The following WWOX variants were observed in gnomAD, a reference collection of about 807,000 sequenced individuals.
WWOX encodes the protein WW domain-containing oxidoreductase.
Under a neutral mutation model 46.2 loss-of-function variants are expected in WWOX, and 69 were observed. The ratio of observed to expected loss-of-function variants is 1.49; its 90% CI spans 1.23 to 1.82. The LOEUF (loss-of-function observed/expected upper bound fraction) is 1.82. Among genes scored for constraint, WWOX ranks in the 40% most tolerant of loss-of-function variants. The pLI is 0.00. For missense variants in WWOX, 919 were observed against 542.6 expected, an observed-to-expected ratio of 1.69 and a Z score of -6.89; for synonymous variants, 359 against 202.6, an observed-to-expected ratio of 1.77 and a Z score of -6.56.
chr16:78,599,965 C>T (rs925267535), intron 8 of WWOX, among the ~76,000 whole-genome samples: 2 of 152,032 alleles, frequency 1.3e-5, no homozygotes, highest in Admixed American at 6.6e-5. Context: ...CCTGAGGCTG[C>T]ATAATTTATG....
intron 8 of WWOX, among the ~76,000 whole-genome samples, chr16:78,937,306 A>C (rs1009907662): frequency 6.6e-6 from 1 of 152,232 alleles, no homozygotes; most frequent in South Asian, 2.1e-4. Context: ...ATACACCTGC[A>C]TCTTTAATTA....
chr16:78,571,407 A>G (rs1173009374), intron 8 of WWOX, among the ~76,000 whole-genome samples: 1 of 152,224 alleles, frequency 6.6e-6, no homozygotes, highest in Non-Finnish European at 1.5e-5. Context: ...TAACAGACAC[A>G]CATTCATTTG....
At chr16:78,766,083 G>T (rs974969890) in intron 8 of WWOX, among the ~76,000 whole-genome samples, 2 of 152,218 alleles carry the variant, frequency 1.3e-5, no homozygotes, top group African/African-American at 2.4e-5. Context: ...GTGGGACGGG[G>T]TGAATGATTT....
At chr16:78,692,583 T>C (rs2048014333) in intron 8 of WWOX, among the ~76,000 whole-genome samples, 1 of 152,238 alleles carries the variant, frequency 6.6e-6, no homozygotes, top group African/African-American at 2.4e-5. Context: ...CCTCTCTGAC[T>C]GTAAGGGCCA....
At chr16:78,727,959 G>C (rs1238614922) in intron 8 of WWOX, among the ~76,000 whole-genome samples, 3 of 148,598 alleles carry the variant, frequency 2.0e-5, no homozygotes, top group Non-Finnish European at 3.0e-5. Context: ...AATTAAAATA[G>C]AAATAGTCAA....
chr16:78,386,614 G>A (rs534011460), intron 5 of WWOX, among the ~76,000 whole-genome samples: 65 of 151,060 alleles, frequency 4.3e-4, no homozygotes, highest in African/African-American at 1.6e-3. Flanking sequence ...CTGAAACACA[G>A]CACAACCCAC....
chr16:78,645,798 A>G (rs2046825799), intron 8 of WWOX, among the ~76,000 whole-genome samples: 2 of 152,156 alleles, frequency 1.3e-5, no homozygotes, highest in South Asian at 4.1e-4. Context: ...TCCAAACTAT[A>G]GCAGGGTCTC....
chr16:78,942,053 G>A (rs943106032), intron 8 of WWOX, among the ~76,000 whole-genome samples: 4 of 152,112 alleles, frequency 2.6e-5, no homozygotes, highest in Admixed American at 6.6e-5. Flanking sequence ...TGGTCTAGCC[G>A]CTGATAGGTA....
chr16:78,229,352 T>C (rs1206991207), intron 5 of WWOX, among the ~76,000 whole-genome samples: 1 of 151,332 alleles, frequency 6.6e-6, no homozygotes. Flanking sequence ...TCTTTTTAAC[T>C]CTAGTTAAAT....
intron 4 of WWOX, chr16:78,123,451 T>TTTTA (rs2033211405): frequency 4.1e-5 from 1 of 24,690 alleles, no homozygotes; most frequent in African/African-American, 1.8e-4. Flanking sequence ...TTTTTTTTTT[T>TTTTA]TTTGTTTTTT....
intron 8 of WWOX, among the ~76,000 whole-genome samples, chr16:78,628,658 A>G (rs1409133316): frequency 6.6e-6 from 1 of 152,156 alleles, no homozygotes. Context: ...GGAACTTTGC[A>G]AAATAAACAC....
chr16:78,259,515 A>AC, intron 5 of WWOX, among the ~76,000 whole-genome samples: 2 of 151,624 alleles, frequency 1.3e-5, no homozygotes, highest in Middle Eastern at 6.8e-3. Flanking sequence ...ATGGAGTTTC[A>AC]CCATGTTGGC....
At chr16:78,599,652 C>G (rs1270149834) in intron 8 of WWOX, among the ~76,000 whole-genome samples, 1 of 152,222 alleles carries the variant, frequency 6.6e-6, no homozygotes, top group African/African-American at 2.4e-5. Context: ...GCTCCCGAGT[C>G]TCAGAGCGGC....
chr16:78,547,313 T>C (rs1323111144), intron 8 of WWOX, among the ~76,000 whole-genome samples: 2 of 152,030 alleles, frequency 1.3e-5, no homozygotes, highest in African/African-American at 4.8e-5. Context: ...GAGGGGGCAC[T>C]ATTAGTATCC....
intron 8 of WWOX, among the ~76,000 whole-genome samples, chr16:78,528,852 C>A (rs942680403): frequency 1.3e-5 from 2 of 152,082 alleles, no homozygotes; most frequent in African/African-American, 4.8e-5. Context: ...GTAACCTCAG[C>A]CATCTTGGAT....
At chr16:78,201,846 C>T (rs185078575) in intron 5 of WWOX, among the ~76,000 whole-genome samples, 300 of 152,072 alleles carry the variant, frequency 2.0e-3, no homozygotes, top group Non-Finnish European at 2.7e-3. Flanking sequence ...ACTACAGGCA[C>T]GTGCCACCAT....
At chr16:78,862,376 G>C (rs551334425) in intron 8 of WWOX, among the ~76,000 whole-genome samples, 4 of 151,128 alleles carry the variant, frequency 2.6e-5, no homozygotes, top group Non-Finnish European at 4.4e-5. Flanking sequence ...ATAGTATATA[G>C]AGTATACATA....
chr16:78,879,516 A>T (rs1321560508), intron 8 of WWOX, among the ~76,000 whole-genome samples: 2 of 152,172 alleles, frequency 1.3e-5, no homozygotes, highest in Admixed American at 6.5e-5. Context: ...AAAAAAAAAA[A>T]ATTTGGCCTT....
At chr16:78,293,988 A>C (rs1341081446) in intron 5 of WWOX, among the ~76,000 whole-genome samples, 24 of 148,624 alleles carry the variant, frequency 1.6e-4, no homozygotes, top group Non-Finnish European at 3.1e-4. Flanking sequence ...GAAAAAAAAA[A>C]AAAAAAAAAA....
Sources: gnomAD v4.1 joint callset for allele counts (sites outside exome capture counted in the v4.1 genomes callset) on GRCh38, gnomAD v4.1.1 for gene constraint, MANE v1.5 for transcripts, NCBI Gene and HGNC (gene_info 2026-07-23, HGNC 2026-07-21) for gene names.